The following RPAP3 variants were observed in gnomAD, a reference collection of about 807,000 sequenced individuals.
RPAP3 encodes RNA polymerase II associated protein 3.
A neutral mutation model predicts 88.8 loss-of-function variants in RPAP3; 58 were observed. The observed-to-expected ratio is 0.65, with a 90% CI of 0.53 to 0.81. The LOEUF is 0.81. RPAP3 is among the 40% of genes least tolerant of loss of function. The probability of loss-of-function intolerance (pLI) is 0.00; values close to 1 mark genes in which losing one functional copy is unlikely to be tolerated. For synonymous variants in RPAP3, 255 were observed against 259.9 expected (o/e 0.98, Z 0.18); for missense variants, 751 against 764.3 (o/e 0.98, Z 0.20).
At position 47,677,041 on chromosome 12, in the gene RPAP3, AC is replaced by A. The variant is rs1192512016; in HGVS notation, c.1287+2451del. Among the ~76,000 whole-genome samples the A allele has an allele frequency of 6.6e-5, 10 of 152,282 alleles. No homozygotes were observed. In the East Asian group the frequency reaches 1.9e-3, roughly 29 times the overall value. On this transcript the variant is annotated intron_variant, in intron 12 of 16. Transcript: ENST00000005386. The stretch of plus-strand genomic sequence containing the variant: ...CAGTAGCACACCAAAAACCTTATCC[AC>A]CACGATCAAGCTGGCTTCATCCCAG...
At chr12:47,702,529 G>A (rs1467090135) in intron 2 of RPAP3, among the ~76,000 whole-genome samples, 159 bp downstream of exon 2, 1 of 152,090 alleles carries the variant, frequency 6.6e-6, no homozygotes. Context: ...ACTCCAGCCT[G>A]GTGACAGAGC....
intron 7 of RPAP3, among the ~76,000 whole-genome samples, chr12:47,688,243 G>T (rs1386678188): frequency 6.6e-6 from 1 of 151,998 alleles, no homozygotes; most frequent in Non-Finnish European, 1.5e-5. Flanking sequence ...GCCACATACT[G>T]CATGTTTTGA....
chr12:47,685,730 C>T (rs1001233829), intron 9 of RPAP3, among the ~76,000 whole-genome samples: 1 of 152,142 alleles, frequency 6.6e-6, no homozygotes, highest in Non-Finnish European at 1.5e-5. Context: ...CTTACTGAAA[C>T]CTTACAATCA....
chr12:47,675,809 C>A (rs953683953), intron 12 of RPAP3, among the ~76,000 whole-genome samples: 4 of 152,160 alleles, frequency 2.6e-5, no homozygotes, highest in African/African-American at 7.2e-5. Context: ...GACTTTAACA[C>A]CCCACTGTCA....
chr12:47,703,693 G>A (rs752105405), intron 1 of RPAP3, among the ~76,000 whole-genome samples: 4 of 152,186 alleles, frequency 2.6e-5, no homozygotes, highest in Non-Finnish European at 5.9e-5. Flanking sequence ...TGGGCAGGCA[G>A]AGTGAGGAAT....
At chr12:47,695,320 C>T (rs1378826419) in intron 5 of RPAP3, among the ~76,000 whole-genome samples, 1 of 152,020 alleles carries the variant, frequency 6.6e-6, no homozygotes. Context: ...CCACAGAAAA[C>T]TACACACAGT....
chr12:47,697,532 C>A (rs1027795754), intron 4 of RPAP3, 65 bp downstream of exon 4: 3 of 1,448,092 alleles, frequency 2.1e-6, no homozygotes, highest in South Asian at 1.3e-5. Context: ...AGAAACTTTA[C>A]GATCCACATG....
At chr12:47,684,169 T>C (rs1939279418) in intron 9 of RPAP3, among the ~76,000 whole-genome samples, 2 of 152,118 alleles carry the variant, frequency 1.3e-5, no homozygotes, top group Non-Finnish European at 2.9e-5. Flanking sequence ...CCAGCCTACA[T>C]TCCACAATTT....
intron 3 of RPAP3, among the ~76,000 whole-genome samples, chr12:47,698,442 A>G (rs1044828725): frequency 6.6e-6 from 1 of 152,176 alleles, no homozygotes; most frequent in Non-Finnish European, 1.5e-5. Flanking sequence ...GGTAATAAAT[A>G]ATTTCATAGA....
At chr12:47,693,564 C>T (rs558834571) in intron 5 of RPAP3, among the ~76,000 whole-genome samples, 49 of 152,202 alleles carry the variant, frequency 3.2e-4, no homozygotes, top group Middle Eastern at 6.8e-3. Context: ...CGCAATAAAG[C>T]GACACACAAC....
At chr12:47,674,560 G>A (rs1295214778) in intron 12 of RPAP3, among the ~76,000 whole-genome samples, 1 of 152,190 alleles carries the variant, frequency 6.6e-6, no homozygotes, top group Non-Finnish European at 1.5e-5. Context: ...TTAAATGACT[G>A]ATGGAACTGA....
rs769966506 is a variant in RPAP3, at chr12:47,690,608, C to T, written c.577G>A (p.Ala193Thr). ...GTATAACTTCTATTCAAGGCAACTG[C>T]TAAATTACAATCAGACTCAGCAACA... The part of the protein sequence containing the change: ...FAVAESDCNL[A>T]VALNRSYTKA... Residue 193 changes from alanine (A) to threonine (T), a missense_variant, in exon 6 of 17, where the codon GCA becomes ACA. By Grantham distance (58) the Ala-to-Thr change is moderately conservative. Coordinates refer to ENST00000005386, the MANE Select transcript of RPAP3 (RefSeq NM_024604.3). The T allele has an allele frequency of 6.4e-7, 1 of 1,569,018 alleles. No homozygotes were observed. Among genetic ancestry groups the T allele is most frequent in the Non-Finnish European group, 8.7e-7 (1 of 1,153,558 alleles).
chr12:47,686,539 T>TACACAC (rs776844694), intron 9 of RPAP3, among the ~76,000 whole-genome samples: 56 of 73,520 alleles, frequency 7.6e-4, no homozygotes, highest in Admixed American at 6.4e-3. Context: ...AACACACACA[T>TACACAC]ACACATACAC....
At position 47,686,099 on chromosome 12, in the gene RPAP3, T is replaced by G. The variant is rs562954975; in HGVS notation, c.992+681A>C. Reference sequence around the variant, plus strand: ...CACTGAAGAAGTTTCGAATTCCTATTTATACTATTTACAGGCTTTTTAAAA... The same window carrying G: ...CACTGAAGAAGTTTCGAATTCCTATGTATACTATTTACAGGCTTTTTAAAA... On this transcript the variant is annotated intron_variant, in intron 9 of 16. Coordinates refer to ENST00000005386, the MANE Select transcript of RPAP3 (RefSeq NM_024604.3). Among the ~76,000 whole-genome samples the G allele has an allele frequency of 5.9e-5, 9 of 152,366 alleles. No homozygotes were observed. The East Asian group carries it at 1.3e-3, about 23-fold the overall frequency.
At chr12:47,679,644 A>AAATAAATATATTTATTTGTTGTAT in intron 11 of RPAP3, 50 bp from the exon 12 acceptor site, 1 of 1,506,120 alleles carries the variant, frequency 6.6e-7, no homozygotes, top group Non-Finnish European at 9.1e-7. Flanking sequence ...ATTATACAAC[A>AAATAAATATATTTATTTGTTGTAT]AATAAATATA....
Position 47,681,706 on chromosome 12 carries a change from C to T in RPAP3, c.1104G>A (p.Glu368=). 6.2e-7 allele frequency: 1 copy of T among 1,612,116 alleles called. No homozygotes were observed. The highest frequency in any genetic ancestry group is 8.5e-7 in the Non-Finnish European group (1 of 1,179,160). The stretch of plus-strand genomic sequence containing the variant: ...GTTATAAAGTCTTACCTTGTTTTGC[C>T]TCATTTAGCTTTCCCAAAAATGTTC... ...TARTFLGKLN[E]AKQDFETVLL... Residue 368 remains glutamate (E), a synonymous_variant, in exon 10 of 17, where the codon GAG becomes GAA. Transcript: ENST00000005386.
chr12:47,685,249 C>A (rs534659526), intron 9 of RPAP3, among the ~76,000 whole-genome samples: 1 of 152,120 alleles, frequency 6.6e-6, no homozygotes, highest in Non-Finnish European at 1.5e-5. Context: ...TGTCATGGCG[C>A]ATGCCTGTAG....
intron 12 of RPAP3, among the ~76,000 whole-genome samples, chr12:47,671,421 G>C (rs1938995164): frequency 6.6e-6 from 1 of 152,142 alleles, no homozygotes; most frequent in Admixed American, 6.5e-5. Flanking sequence ...ATTATAAATT[G>C]AAAAGTTGTA....
rs369910274 is a variant in RPAP3 at position 47,674,809 on chromosome 12, T to C, written c.1288-4464A>G. 2.9e-3 allele frequency among the ~76,000 whole-genome samples: 437 copies of C among 152,238 alleles called. 16 individuals carry two copies. In the South Asian group the frequency reaches 0.072, roughly 25 times the overall value. On this transcript the variant is annotated intron_variant, in intron 12 of 16. Transcript: ENST00000005386. The stretch of plus-strand genomic sequence containing the variant: ...AAGTGATGGGGAGAATGGAACCACA[T>C]TGGAAAACACACTTCAGGATATTAT...
Sources: allele counts gnomAD v4.1 joint callset (sites outside exome capture counted in the v4.1 genomes callset), GRCh38; gene constraint gnomAD v4.1.1; transcripts MANE v1.5; gene names NCBI Gene and HGNC (gene_info 2026-07-23, HGNC 2026-07-21).